ABCA13: variants seen among roughly 807,000 people sequenced by gnomAD.
ABCA13 encodes the protein ATP-binding cassette sub-family A member 13.
In ABCA13, 476 loss-of-function variants were observed where a neutral mutation model predicts 478.7. The ratio of observed to expected loss-of-function variants is 0.99; its 90% confidence interval spans 0.92 to 1.07. The LOEUF is 1.07. Among genes scored for constraint, ABCA13 ranks in the 50% least tolerant of loss-of-function variants. ABCA13 has a pLI of 0.00. For missense variants in ABCA13, 6,060 were observed against 5,910.6 expected (o/e 1.03, Z -0.83); for synonymous variants, 2,252 against 2,158.9 (o/e 1.04, Z -1.20).
chr7:48,213,888 ATTCTGTC>A (rs1246022000), intron 3 of ABCA13, among the ~76,000 whole-genome samples: 2 of 152,200 alleles, frequency 1.3e-5, no homozygotes, highest in Non-Finnish European at 2.9e-5. Context: ...GATTGCAACA[ATTCTGTC>A]ACATCTTAAG....
intron 45 of ABCA13, among the ~76,000 whole-genome samples, chr7:48,478,190 T>G (rs1322817917): frequency 6.7e-6 from 1 of 148,380 alleles, no homozygotes; most frequent in African/African-American, 2.5e-5. Flanking sequence ...ATATATATAA[T>G]ACATAAAATG....
intron 32 of ABCA13, among the ~76,000 whole-genome samples, chr7:48,369,478 A>C (rs1171176744): frequency 6.6e-6 from 1 of 152,096 alleles, no homozygotes; most frequent in African/African-American, 2.4e-5. Context: ...GCCAATGTAT[A>C]GAAGGGTTTT....
intron 55 of ABCA13, among the ~76,000 whole-genome samples, chr7:48,565,660 A>C (rs1563445468): frequency 6.6e-6 from 1 of 152,180 alleles, no homozygotes; most frequent in Non-Finnish European, 1.5e-5. Flanking sequence ...AACAAAAACA[A>C]AAACAAAGAA....
rs1019974921 is a variant in ABCA13 at position 48,368,116 on chromosome 7, A to T, written c.10803+208A>T. Among the ~76,000 whole-genome samples the T allele has an allele frequency of 5.3e-5, 8 of 152,290 alleles. No individual in the cohort carries two copies. The South Asian group carries it at 1.4e-3, about 28-fold the overall frequency. On this transcript the variant is annotated intron_variant, in intron 32 of 61. Transcript: ENST00000435803. The stretch of plus-strand genomic sequence containing the variant: ...GCAATGCCAGATATTTTCCACTGAC[A>T]TGAAAGAAAGCCAAAGAATAGCCAC...
At chr7:48,442,334 C>A (rs1220896154) in intron 42 of ABCA13, among the ~76,000 whole-genome samples, 1 of 152,124 alleles carries the variant, frequency 6.6e-6, no homozygotes, top group African/African-American at 2.4e-5. Context: ...ATTTTCTAAA[C>A]CTCTAAACTG....
intron 3 of ABCA13, among the ~76,000 whole-genome samples, chr7:48,214,158 C>T (rs1786091631): frequency 6.6e-6 from 1 of 152,282 alleles, no homozygotes; most frequent in East Asian, 1.9e-4. Context: ...CATTGGAACT[C>T]TTGGATAACT....
intron 42 of ABCA13, among the ~76,000 whole-genome samples, chr7:48,436,369 C>T (rs906478795): frequency 5.3e-5 from 8 of 151,602 alleles, no homozygotes; most frequent in African/African-American, 1.9e-4. Flanking sequence ...GGCAGTAACA[C>T]TTTCTTTTCT....
chr7:48,345,997 A>G (rs917766527), intron 29 of ABCA13, among the ~76,000 whole-genome samples: 5 of 152,198 alleles, frequency 3.3e-5, no homozygotes, highest in African/African-American at 1.2e-4. Context: ...TCGTGTTACA[A>G]TTGCCTACAG....
intron 23 of ABCA13, among the ~76,000 whole-genome samples, chr7:48,303,761 G>A (rs768284194): frequency 5.9e-5 from 9 of 152,128 alleles, no homozygotes; most frequent in Non-Finnish European, 8.8e-5. Context: ...GGTGTTTTTT[G>A]ATATCAAATT....
chr7:48,260,891 C>T (rs2128721700), intron 15 of ABCA13, among the ~76,000 whole-genome samples: 1 of 151,938 alleles, frequency 6.6e-6, no homozygotes, highest in South Asian at 2.1e-4. Flanking sequence ...TATGTTTTAT[C>T]TTTCTTGGTT....
At chr7:48,409,195 A>G (rs1818663285) in intron 39 of ABCA13, among the ~76,000 whole-genome samples, 1 of 152,212 alleles carries the variant, frequency 6.6e-6, no homozygotes, top group Non-Finnish European at 1.5e-5. Flanking sequence ...ATTTAATAAA[A>G]CGGAACAGGT....
At chr7:48,454,748 G>A (rs1213693734) in intron 42 of ABCA13, among the ~76,000 whole-genome samples, 1 of 151,930 alleles carries the variant, frequency 6.6e-6, no homozygotes, top group Non-Finnish European at 1.5e-5. Flanking sequence ...GGAAGCAAAG[G>A]AGCAGCCCAG....
chr7:48,323,859 G>C (rs996186015), intron 27 of ABCA13, among the ~76,000 whole-genome samples: 1 of 152,118 alleles, frequency 6.6e-6, no homozygotes, highest in Admixed American at 6.5e-5. Context: ...TACTGTTCTC[G>C]TGAGAGTGAA....
intron 48 of ABCA13, among the ~76,000 whole-genome samples, chr7:48,492,807 C>A (rs1829956113): frequency 6.6e-6 from 1 of 152,108 alleles, no homozygotes; most frequent in East Asian, 1.9e-4. Flanking sequence ...AGGTGTATCA[C>A]CTGAACTCAG....
In ABCA13 at chr7:48,410,511, T is replaced by G; in HGVS notation, c.12071-9T>G. The G allele has an allele frequency of 6.2e-7, 1 of 1,614,008 alleles. No individual in the cohort carries two copies. The highest frequency in any genetic ancestry group is 8.5e-7 in the Non-Finnish European group (1 of 1,179,858). On this transcript the variant is annotated splice_polypyrimidine_tract_variant and intron_variant, in intron 39 of 61. Coordinates refer to ENST00000435803, the MANE Select transcript of ABCA13 (RefSeq NM_152701.5). ...TCCTGGTGCTGATGCACCCTGTGCT[T>G]GGACCCAGGTCGTACGATCATCTTC... is the stretch of plus-strand genomic sequence containing the variant.
Position 48,372,471 on chromosome 7 carries a change from T to C in ABCA13, c.11107T>C (p.Leu3703=). 2 of 1,576,786 alleles carry C rather than the reference T, an allele frequency of 1.3e-6. No homozygotes were observed. Among genetic ancestry groups the C allele is most frequent in the Non-Finnish European group, 1.7e-6 (2 of 1,158,180 alleles). ...YIVLLVLHNQ[L]SFVNQTFLCL... is the part of the protein sequence containing the mutation. ...AGTTCTATTGGTTCTACATAACCAA[T>C]TAAGTTTTGTTAATCAGACATTTCT... The change falls in exon 33 of 62, where the codon TTA becomes CTA. Residue 3703 remains leucine (L), a synonymous_variant. Coordinates refer to ENST00000435803, the MANE Select transcript of ABCA13 (RefSeq NM_152701.5).
At chr7:48,425,816 C>CT (rs1821335758) in intron 41 of ABCA13, among the ~76,000 whole-genome samples, 1 of 152,082 alleles carries the variant, frequency 6.6e-6, no homozygotes, top group African/African-American at 2.4e-5. Context: ...TCTCGGCTCA[C>CT]TGCAGGCTCC....
At chr7:48,399,995 C>A (rs1050760614) in intron 38 of ABCA13, among the ~76,000 whole-genome samples, 3 of 151,868 alleles carry the variant, frequency 2.0e-5, no homozygotes, top group Admixed American at 2.0e-4. Context: ...TCTCTTTGTT[C>A]CTTGCATATG....
chr7:48,558,159 C>T (rs1585802159), intron 55 of ABCA13, among the ~76,000 whole-genome samples: 1 of 137,816 alleles, frequency 7.3e-6, no homozygotes. Context: ...CCATCCCTCC[C>T]TCCCTCCCTC....
Sources: allele counts gnomAD v4.1 joint callset (sites outside exome capture counted in the v4.1 genomes callset), GRCh38; gene constraint gnomAD v4.1.1; transcripts MANE v1.5; gene names NCBI Gene and HGNC (gene_info 2026-07-23, HGNC 2026-07-21).